CLEC16A: variants seen among roughly 807,000 people sequenced by gnomAD.
The protein encoded by CLEC16A is C-type lectin domain containing 16A, also known as protein CLEC16A.
A neutral mutation model predicts 109.5 loss-of-function variants in CLEC16A; 51 were observed. The ratio of observed to expected loss-of-function variants is 0.47; its 90% CI spans 0.37 to 0.59. CLEC16A has a LOEUF of 0.59. Among genes scored for constraint, CLEC16A ranks in the 20% least tolerant of loss-of-function variants. The probability of loss-of-function intolerance (pLI) is 0.00; values close to 1 mark genes in which losing one functional copy is unlikely to be tolerated. For missense variants in CLEC16A, 1,339 were observed against 1,394.0 expected (o/e 0.96, Z 0.63); for synonymous variants, 673 against 564.2 (o/e 1.19, Z -2.73).
intron 19 of CLEC16A, among the ~76,000 whole-genome samples, chr16:11,094,776 G>C (rs934727985): frequency 6.6e-6 from 1 of 152,214 alleles, no homozygotes; most frequent in East Asian, 1.9e-4. Flanking sequence ...AGGTTTGCAT[G>C]GTTGCCATGA....
intron 13 of CLEC16A, among the ~76,000 whole-genome samples, chr16:11,034,286 C>T (rs1435415338): frequency 6.6e-6 from 1 of 152,148 alleles, no homozygotes; most frequent in Non-Finnish European, 1.5e-5. Flanking sequence ...GCTGGTAATA[C>T]TTGTGTGACT....
chr16:11,117,805 G>A (rs1326689015), intron 19 of CLEC16A, among the ~76,000 whole-genome samples: 2 of 152,054 alleles, frequency 1.3e-5, no homozygotes, highest in Admixed American at 6.6e-5. Context: ...TCCTGTTTGG[G>A]GACATTTAGG....
At chr16:11,101,321 G>A (rs8055692) in intron 19 of CLEC16A, among the ~76,000 whole-genome samples, 5,594 of 152,124 alleles carry the variant, frequency 0.037, 389 homozygotes, top group African/African-American at 0.13. Flanking sequence ...CCCACCCTCC[G>A]CAGCCTCACC....
intron 22 of CLEC16A, among the ~76,000 whole-genome samples, chr16:11,131,401 G>A (rs2053197710): frequency 6.6e-6 from 1 of 152,216 alleles, no homozygotes; most frequent in African/African-American, 2.4e-5. Context: ...TGACCCAGGG[G>A]TGTCAGGGGC....
chr16:11,106,721 A>C (rs999779847), intron 19 of CLEC16A, among the ~76,000 whole-genome samples: 1 of 151,890 alleles, frequency 6.6e-6, no homozygotes, highest in Non-Finnish European at 1.5e-5. Flanking sequence ...ATTTATTTCA[A>C]AGTAAATTGC....
chr16:10,946,659 G>A (rs1000431537), intron 1 of CLEC16A, among the ~76,000 whole-genome samples: 29 of 152,250 alleles, frequency 1.9e-4, no homozygotes, highest in Admixed American at 1.1e-3. Context: ...GTACCTCCAG[G>A]TTCTCACCTA....
chr16:11,156,553 T>G (rs2054529406), intron 22 of CLEC16A: 1 of 1,298,730 alleles, frequency 7.7e-7, no homozygotes, highest in Admixed American at 2.3e-5. Flanking sequence ...CTAACCCGCC[T>G]TCCTCCTGCT....
intron 19 of CLEC16A, among the ~76,000 whole-genome samples, chr16:11,099,318 G>A (rs1010947114): frequency 6.6e-6 from 1 of 152,240 alleles, no homozygotes; most frequent in Non-Finnish European, 1.5e-5. Context: ...GTCCAACACG[G>A]TAGCCACTTG....
intron 22 of CLEC16A, chr16:11,157,040 A>G: frequency 7.7e-7 from 1 of 1,298,478 alleles, no homozygotes; most frequent in African/African-American, 1.5e-5. Context: ...ACAGAGAGAA[A>G]GCAAGATACT....
intron 22 of CLEC16A, among the ~76,000 whole-genome samples, chr16:11,152,591 G>C (rs78742065): frequency 9.2e-5 from 14 of 152,366 alleles, no homozygotes; most frequent in African/African-American, 3.4e-4. Context: ...CTGAGCAAAA[G>C]ACATCAGTTA....
chr16:11,075,182 G>A (rs1292246231), intron 19 of CLEC16A, among the ~76,000 whole-genome samples: 1 of 152,118 alleles, frequency 6.6e-6, no homozygotes, highest in African/African-American at 2.4e-5. Context: ...TTTGGAAATG[G>A]GACCATGGTT....
chr16:11,023,020 A>T (rs947363267), intron 12 of CLEC16A, among the ~76,000 whole-genome samples: 1 of 150,620 alleles, frequency 6.6e-6, no homozygotes, highest in African/African-American at 2.4e-5. Context: ...AAATCTTAAA[A>T]AGCATAAAGG....
At chr16:11,025,780 G>C (rs2046373439) in intron 13 of CLEC16A, among the ~76,000 whole-genome samples, 2 of 152,118 alleles carry the variant, frequency 1.3e-5, no homozygotes, top group African/African-American at 4.8e-5. Context: ...CATTAATCAT[G>C]ATAAATAAGT....
chr16:11,093,703 A>G (rs997244923), intron 19 of CLEC16A, among the ~76,000 whole-genome samples: 1 of 152,162 alleles, frequency 6.6e-6, no homozygotes, highest in African/African-American at 2.4e-5. Flanking sequence ...CGTGTACAAG[A>G]CTGAGCAAGA....
chr16:11,028,801 TC>T (rs1248985723), intron 13 of CLEC16A, among the ~76,000 whole-genome samples: 5 of 152,222 alleles, frequency 3.3e-5, no homozygotes, highest in Admixed American at 1.3e-4. Context: ...TTTAAACCTT[TC>T]TTCTCTATGA....
At position 11,124,053 on chromosome 16, in the gene CLEC16A, C is replaced by T. The variant is rs1205774564; in HGVS notation, c.2473+107C>T. ...AACCCCCATAGCATAGAAGAAGACA[C>T]GTATGATTCAGGAATTGTTTTATAT... is the stretch of plus-strand genomic sequence containing the variant. On this transcript the variant is annotated intron_variant, in intron 21 of 23. Transcript: ENST00000409790. 15 of 995,692 alleles carry T rather than the reference C, an allele frequency of 1.5e-5. No individual in the cohort carries two copies. In the East Asian group the frequency reaches 1.8e-4, roughly 12 times the overall value. 61.7% of individuals were successfully genotyped at this position (995,692 alleles called of 1,614,324 possible). A position where few individuals can be genotyped will look rare whatever the true frequency, so the allele number is the denominator to read the frequency against.
chr16:10,977,600 G>T (rs148304033), intron 8 of CLEC16A, among the ~76,000 whole-genome samples: 1 of 152,052 alleles, frequency 6.6e-6, no homozygotes, highest in African/African-American at 2.4e-5. Flanking sequence ...TGCAACCTCC[G>T]CCTCCTGAAT....
Position 11,123,849 on chromosome 16 carries a change from C to T in CLEC16A, c.2376C>T (p.Thr792=), listed in dbSNP as rs2052609074. 3.7e-6 allele frequency: 6 copies of T among 1,613,942 alleles called. No homozygotes were observed. The highest frequency in any genetic ancestry group is 1.7e-5 in the Admixed American group (1 of 60,012). Residue 792 remains threonine (T), a synonymous_variant, in exon 21 of 24, where the codon ACC becomes ACT. Coordinates refer to ENST00000409790, the MANE Select transcript of CLEC16A (RefSeq NM_015226.3). ...AGCCCTTCCCCATCCTCCAGGCCACCTTCATCTTCTCAGACCACATCCGCT... is the reference window on the plus strand; with the variant it reads ...AGCCCTTCCCCATCCTCCAGGCCACTTTCATCTTCTCAGACCACATCCGCT... ...HSKPFPILQA[T]FIFSDHIRCI... is the part of the protein sequence containing the mutation.
chr16:11,039,677 C>T, intron 13 of CLEC16A, 77 bp from the exon 14 acceptor site: 1 of 1,451,180 alleles, frequency 6.9e-7, no homozygotes, highest in Non-Finnish European at 9.1e-7. Context: ...GAGGAAACCC[C>T]ACTCTACAGG....
Sources: gnomAD v4.1 joint callset for allele counts (sites outside exome capture counted in the v4.1 genomes callset) on GRCh38, gnomAD v4.1.1 for gene constraint, MANE v1.5 for transcripts, NCBI Gene and HGNC (gene_info 2026-07-23, HGNC 2026-07-21) for gene names.